SPECC1: variants seen among roughly 807,000 people sequenced by gnomAD.
SPECC1 encodes the protein sperm antigen with calponin homology and coiled-coil domains 1.
A neutral mutation model predicts 104.1 loss-of-function variants in SPECC1; 62 were observed. The observed-to-expected ratio is 0.60, with a 90% CI of 0.49 to 0.74. The LOEUF (loss-of-function observed/expected upper bound fraction) is 0.74, where lower values mean the gene tolerates loss of function less well. Ranked by LOEUF, SPECC1 falls within the 30% of genes least tolerant of loss-of-function variation. SPECC1 has a pLI of 0.00. For missense variants in SPECC1, 1,306 were observed against 1,310.5 expected (o/e 1.00, Z 0.05); for synonymous variants, 513 against 501.6 (o/e 1.02, Z -0.30).
At chr17:20,141,340 A>G (rs1301503732) in intron 3 of SPECC1, among the ~76,000 whole-genome samples, 1 of 152,172 alleles carries the variant, frequency 6.6e-6, no homozygotes, top group African/African-American at 2.4e-5. Context: ...TTCAGCAAGC[A>G]GGCAACTCCT....
At chr17:20,019,794 C>G (rs2044299723) in intron 1 of SPECC1, among the ~76,000 whole-genome samples, 1 of 152,156 alleles carries the variant, frequency 6.6e-6, no homozygotes. Context: ...CCTGATCACC[C>G]CCATCCATGT....
intron 1 of SPECC1, among the ~76,000 whole-genome samples, chr17:20,082,179 C>T (rs1021613239): frequency 6.6e-6 from 1 of 152,214 alleles, no homozygotes; most frequent in Non-Finnish European, 1.5e-5. Context: ...CCTCTTCTCA[C>T]CTGGAATGCC....
chr17:20,266,904 C>T (rs1210588686), intron 12 of SPECC1, among the ~76,000 whole-genome samples: 1 of 152,062 alleles, frequency 6.6e-6, no homozygotes, highest in Non-Finnish European at 1.5e-5. Context: ...TGTGGAGGGT[C>T]AGAGTAAGGA....
chr17:20,231,665 C>A, intron 5 of SPECC1, 93 bp from the exon 6 acceptor site: 10 of 1,095,762 alleles, frequency 9.1e-6, no homozygotes, highest in South Asian at 9.0e-5. Context: ...CCTGTTGTGG[C>A]ATCTGGAGCT....
At chr17:20,189,923 A>G (rs1463583244) in intron 3 of SPECC1, among the ~76,000 whole-genome samples, 1 of 152,218 alleles carries the variant, frequency 6.6e-6, no homozygotes, top group Non-Finnish European at 1.5e-5. Flanking sequence ...TTTGCTTTTA[A>G]CAAAGGAAGT....
At chr17:20,293,356 T>A (rs144978505) in intron 12 of SPECC1, among the ~76,000 whole-genome samples, 1 of 151,986 alleles carries the variant, frequency 6.6e-6, no homozygotes, top group African/African-American at 2.4e-5. Context: ...CAAACCTCCT[T>A]CTCTTATTCC....
Position 20,257,508 on chromosome 17 carries a change from C to A in SPECC1, c.2738C>A (p.Pro913His). The A allele has an allele frequency of 6.2e-7, 1 of 1,611,596 alleles. No homozygotes were observed. The highest frequency in any genetic ancestry group is 8.5e-7 in the Non-Finnish European group (1 of 1,179,406). The change falls in exon 11 of 15, where the codon CCC (proline) becomes CAC (histidine). Residue 913 changes from proline (P) to histidine (H), a missense_variant. By Grantham distance (77) the Pro-to-His change is moderately conservative. Transcript: ENST00000395527. Reference sequence around the variant, plus strand: ...CCAGACCCCCACCTCCGCAAGAGTCCCTCACTAGAGTCACTGAGCAGACCC... The same window carrying A: ...CCAGACCCCCACCTCCGCAAGAGTCACTCACTAGAGTCACTGAGCAGACCC... ...LKPDPHLRKS[P>H]SLESLSRPPS...
intron 3 of SPECC1, among the ~76,000 whole-genome samples, chr17:20,173,537 C>T (rs778049125): frequency 6.6e-6 from 1 of 152,164 alleles, no homozygotes; most frequent in South Asian, 2.1e-4. Flanking sequence ...ATTGCTAGGT[C>T]GCCTCCCAGC....
At chr17:20,011,818 A>T (rs114090815) in intron 1 of SPECC1, among the ~76,000 whole-genome samples, 2,239 of 152,062 alleles carry the variant, frequency 0.015, 61 homozygotes, top group African/African-American at 0.05. Context: ...TTCCAACGAG[A>T]CATTATTGCT....
At chr17:20,254,080 T>A (rs2039731231) in intron 10 of SPECC1, among the ~76,000 whole-genome samples, 1 of 151,930 alleles carries the variant, frequency 6.6e-6, no homozygotes, top group Non-Finnish European at 1.5e-5. Context: ...TTCTTAAAAT[T>A]TGCCCCTTTA....
intron 1 of SPECC1, among the ~76,000 whole-genome samples, chr17:20,067,565 T>A (rs1438536887): frequency 1.3e-5 from 2 of 152,166 alleles, no homozygotes; most frequent in East Asian, 3.8e-4. Flanking sequence ...TCGTCATTGT[T>A]CCATATCACT....
chr17:20,264,089 G>T (rs1191712605), intron 12 of SPECC1, among the ~76,000 whole-genome samples: 3 of 152,096 alleles, frequency 2.0e-5, no homozygotes. Context: ...TCATAGTCTT[G>T]TTCTCTCAGA....
At chr17:20,077,823 A>C (rs1408620748) in intron 1 of SPECC1, among the ~76,000 whole-genome samples, 1 of 152,128 alleles carries the variant, frequency 6.6e-6, no homozygotes, top group African/African-American at 2.4e-5. Context: ...CTGAGGCAAC[A>C]TAAGATTCTG....
intron 1 of SPECC1, among the ~76,000 whole-genome samples, chr17:20,087,666 T>C (rs1429295564): frequency 6.6e-6 from 1 of 152,124 alleles, no homozygotes; most frequent in East Asian, 1.9e-4. Flanking sequence ...TAACTAATAT[T>C]TGTTGAACAC....
intron 4 of SPECC1, among the ~76,000 whole-genome samples, chr17:20,210,572 C>T (rs761632623): frequency 1.2e-4 from 18 of 152,214 alleles, no homozygotes; most frequent in Non-Finnish European, 2.1e-4. Context: ...CCCCAGGCCA[C>T]CTCTCTTGAA....
At chr17:20,266,315 G>T (rs2040215713) in intron 12 of SPECC1, among the ~76,000 whole-genome samples, 2 of 152,326 alleles carry the variant, frequency 1.3e-5, no homozygotes, top group African/African-American at 4.8e-5. Flanking sequence ...CGGGCGCGGT[G>T]ACTCACGCCT....
intron 12 of SPECC1, among the ~76,000 whole-genome samples, chr17:20,294,059 GC>G (rs1354542509): frequency 6.6e-6 from 1 of 152,140 alleles, no homozygotes; most frequent in Non-Finnish European, 1.5e-5. Context: ...TCAGCTCACT[GC>G]AACCTCTGCC....
chr17:20,135,906 C>T (rs756456640), intron 3 of SPECC1, among the ~76,000 whole-genome samples: 10 of 152,288 alleles, frequency 6.6e-5, no homozygotes, highest in Middle Eastern at 3.4e-3. Context: ...TTTGTTCTGT[C>T]CTCTTGGCCA....
At chr17:20,297,339 C>G (rs1468979563) in intron 13 of SPECC1, among the ~76,000 whole-genome samples, 1 of 152,210 alleles carries the variant, frequency 6.6e-6, no homozygotes, top group Non-Finnish European at 1.5e-5. Flanking sequence ...AAAGAACCAG[C>G]AAGCACCAAC....
Sources: allele counts gnomAD v4.1 joint callset (sites outside exome capture counted in the v4.1 genomes callset), GRCh38; gene constraint gnomAD v4.1.1; transcripts MANE v1.5; gene names NCBI Gene and HGNC (gene_info 2026-07-23, HGNC 2026-07-21).